SYT9: variants seen among roughly 807,000 people sequenced by gnomAD.
SYT9 encodes the protein synaptotagmin-9.
A neutral mutation model predicts 48.4 loss-of-function variants in SYT9; 22 were observed. The ratio of observed to expected loss-of-function variants is 0.45; its 90% CI spans 0.32 to 0.65. The LOEUF (loss-of-function observed/expected upper bound fraction) is 0.65, where lower values mean the gene tolerates loss of function less well. Ranked by LOEUF, SYT9 falls within the 30% of genes least tolerant of loss-of-function variation. SYT9 has a pLI of 0.03. For synonymous variants in SYT9, 265 were observed against 245.0 expected, an observed-to-expected ratio of 1.08 and a Z score of -0.76; for missense variants, 577 against 622.0, an observed-to-expected ratio of 0.93 and a Z score of 0.77.
intron 6 of SYT9, among the ~76,000 whole-genome samples, chr11:7,455,132 A>C (rs1848125761): frequency 6.6e-6 from 1 of 152,198 alleles, no homozygotes; most frequent in South Asian, 2.1e-4. Context: ...CTTTAAGGAT[A>C]AAAGAAAGTT....
At chr11:7,400,705 A>G (rs1240868647) in intron 3 of SYT9, among the ~76,000 whole-genome samples, 1 of 152,208 alleles carries the variant, frequency 6.6e-6, no homozygotes, top group African/African-American at 2.4e-5. Context: ...GTGTCAAAGC[A>G]GATAACTCTG....
chr11:7,394,210 T>C (rs1168910604), intron 3 of SYT9, among the ~76,000 whole-genome samples: 1 of 149,448 alleles, frequency 6.7e-6, no homozygotes, highest in African/African-American at 2.5e-5. Context: ...GAACATGTGG[T>C]ATTTGGTTTT....
Position 7,313,478 on chromosome 11 carries a change from G to A in SYT9, c.581G>A (p.Gly194Glu). Residue 194 changes from glycine to glutamate, a missense_variant, in exon 3 of 7, where the codon GGA (glycine) becomes GAA (glutamate). Transcript: ENST00000318881. ...QQLQKQEQLT[G>E]IGRIKPELYK... ...CTTCAAAAACAGGAACAGTTGACTG[G>A]AATTGGTAGAATTAAACCAGAGTTA... 6.2e-7 allele frequency: 1 copy of A among 1,614,154 alleles called. No homozygotes were observed. The highest frequency in any genetic ancestry group is 8.5e-7 in the Non-Finnish European group (1 of 1,180,008).
chr11:7,321,952 GC>G (rs1190879656), intron 3 of SYT9, among the ~76,000 whole-genome samples: 1 of 152,124 alleles, frequency 6.6e-6, no homozygotes, highest in Non-Finnish European at 1.5e-5. Context: ...CACTTTCCTT[GC>G]TATCTGCTGG....
At chr11:7,415,632 T>A (rs1383734640) in intron 3 of SYT9, among the ~76,000 whole-genome samples, 1 of 152,052 alleles carries the variant, frequency 6.6e-6, no homozygotes, top group Non-Finnish European at 1.5e-5. Flanking sequence ...TAACTTTGAC[T>A]TAGAGGCTCT....
upstream of SYT9, among the ~76,000 whole-genome samples, chr11:7,249,898 G>C (rs1847838096): frequency 2.0e-5 from 3 of 152,104 alleles, no homozygotes; most frequent in Non-Finnish European, 2.9e-5. Flanking sequence ...AACTATATTT[G>C]AAAGTTTACA....
At chr11:7,259,743 G>GT (rs940578312) in intron 1 of SYT9, among the ~76,000 whole-genome samples, 1 of 151,620 alleles carries the variant, frequency 6.6e-6, no homozygotes, top group East Asian at 1.9e-4. Flanking sequence ...GAATCTTAAT[G>GT]TTTTTTTCTA....
chr11:7,279,090 C>T (rs549593874), intron 1 of SYT9, among the ~76,000 whole-genome samples: 1 of 152,256 alleles, frequency 6.6e-6, no homozygotes, highest in East Asian at 1.9e-4. Context: ...GCAATGCCAG[C>T]AGATAAAGTT....
At chr11:7,322,693 A>G (rs1849358657) in intron 3 of SYT9, among the ~76,000 whole-genome samples, 1 of 152,162 alleles carries the variant, frequency 6.6e-6, no homozygotes, top group African/African-American at 2.4e-5. Context: ...ATATACCATC[A>G]AGATATGAAC....
chr11:7,272,100 TA>T (rs1486382720), intron 1 of SYT9, among the ~76,000 whole-genome samples: 1 of 152,186 alleles, frequency 6.6e-6, no homozygotes, highest in African/African-American at 2.4e-5. Context: ...CCTCACCACT[TA>T]ATAGTTGTAT....
Position 7,468,114 on chromosome 11 carries a change from A to G in SYT9, c.*1314A>G, listed in dbSNP as rs1848363434. The stretch of plus-strand genomic sequence containing the variant: ...GGCACCCCATCCACACATTTGCACC[A>G]CTACTCCAAGATAGTATTTTTCTTT... On this transcript the variant is annotated 3_prime_UTR_variant, in exon 7 of 7. Coordinates refer to ENST00000318881, the MANE Select transcript of SYT9 (RefSeq NM_175733.4). 5.1e-6 allele frequency: 2 copies of G among 395,348 alleles called. No homozygotes were observed. The highest frequency in any genetic ancestry group is 1.4e-4 in the South Asian group (1 of 7,064). 24.5% of individuals were successfully genotyped at this position (395,348 alleles called of 1,614,324 possible).
At chr11:7,316,948 T>G (rs1379649419) in intron 3 of SYT9, among the ~76,000 whole-genome samples, 1 of 152,246 alleles carries the variant, frequency 6.6e-6, no homozygotes, top group Non-Finnish European at 1.5e-5. Context: ...GCACTTATTC[T>G]TTTGTTTTCC....
At chr11:7,406,278 T>C (rs753588861) in intron 3 of SYT9, among the ~76,000 whole-genome samples, 3 of 151,960 alleles carry the variant, frequency 2.0e-5, no homozygotes, top group South Asian at 2.1e-4. Context: ...TCTATCAAAC[T>C]GTATGTTTAT....
intron 1 of SYT9, among the ~76,000 whole-genome samples, chr11:7,255,772 AT>A (rs969641588): frequency 6.6e-6 from 1 of 152,116 alleles, no homozygotes; most frequent in Non-Finnish European, 1.5e-5. Context: ...TTTTTATTTT[AT>A]TTTAACTTTT....
rs1304072850 is a variant in SYT9 at position 7,252,435 on chromosome 11, C to CG, written c.145+110dup. The CG allele has an allele frequency of 5.6e-6, 7 of 1,241,574 alleles. No homozygotes were observed. Among genetic ancestry groups the CG allele is most frequent in the Non-Finnish European group, 7.2e-6 (7 of 967,174 alleles). The allele number at this position is 1,241,574 out of a possible 1,614,324, so 76.9% of individuals were successfully genotyped here. On this transcript the variant is annotated intron_variant, in intron 1 of 6. Coordinates refer to ENST00000318881, the MANE Select transcript of SYT9 (RefSeq NM_175733.4). The surrounding 1 kb of genome is among the most constrained non-coding windows in gnomAD (Gnocchi z 6.3). ...AACAGCGACGCGGACTGGGAGAGGG[C>CG]GGGGGGCGGCCACCGAGCCAGGAGA... is the stretch of plus-strand genomic sequence containing the variant.
At chr11:7,343,646 A>C (rs1849750279) in intron 3 of SYT9, among the ~76,000 whole-genome samples, 1 of 151,836 alleles carries the variant, frequency 6.6e-6, no homozygotes, top group African/African-American at 2.4e-5. Flanking sequence ...AACTGTTCCA[A>C]CCTCTGCCCG....
At chr11:7,296,386 AAG>A (rs1380943561) in intron 1 of SYT9, among the ~76,000 whole-genome samples, 55 of 152,260 alleles carry the variant, frequency 3.6e-4, no homozygotes, top group Non-Finnish European at 1.9e-4. Context: ...TTTAAACAAA[AAG>A]TATCTGATTT....
chr11:7,422,279 G>A (rs1345945935), intron 6 of SYT9, among the ~76,000 whole-genome samples: 2 of 152,162 alleles, frequency 1.3e-5, no homozygotes, highest in African/African-American at 4.8e-5. Context: ...GCAGGACAGG[G>A]TTTATGGATT....
At chr11:7,427,100 A>C (rs1847473677) in intron 6 of SYT9, among the ~76,000 whole-genome samples, 1 of 152,184 alleles carries the variant, frequency 6.6e-6, no homozygotes, top group Admixed American at 6.5e-5. Flanking sequence ...AACAAATGAA[A>C]AAAAAATGAA....
Sources: allele counts gnomAD v4.1 joint callset (sites outside exome capture counted in the v4.1 genomes callset), GRCh38; gene constraint gnomAD v4.1.1; non-coding constraint Gnocchi (gnomAD v3.1); transcripts MANE v1.5; gene names NCBI Gene and HGNC (gene_info 2026-07-23, HGNC 2026-07-21).